The following ZNF267 variants were observed in gnomAD, a reference collection of about 807,000 sequenced individuals.
The protein encoded by ZNF267 is zinc finger protein 267, also known as zinc finger (C2H2).
Under a neutral mutation model 71.6 loss-of-function variants are expected in ZNF267, and 61 were observed. The ratio of observed to expected loss-of-function variants is 0.85; its 90% CI spans 0.69 to 1.05. ZNF267 has a LOEUF of 1.05. Ranked by LOEUF, ZNF267 falls within the 50% of genes least tolerant of loss-of-function variation. The pLI, the probability that ZNF267 is intolerant of heterozygous loss-of-function variation, is 0.00. For missense variants in ZNF267, 852 were observed against 870.0 expected, an observed-to-expected ratio of 0.98 and a Z score of 0.26; for synonymous variants, 288 against 293.2, an observed-to-expected ratio of 0.98 and a Z score of 0.18.
At chr16:31,913,035 A>G (rs571946414) in intron 3 of ZNF267, 1 of 152,128 alleles carries the variant, frequency 6.6e-6, no homozygotes, top group East Asian at 1.9e-4. Context: ...GTGAGGCCAT[A>G]TTTTACTGGA....
intron 3 of ZNF267, among the ~76,000 whole-genome samples, chr16:31,908,342 T>C (rs1202710133): frequency 6.6e-6 from 1 of 152,202 alleles, no homozygotes; most frequent in Non-Finnish European, 1.5e-5. Flanking sequence ...TTTCTCCCAT[T>C]CTGTGGGTTG....
intron 3 of ZNF267, chr16:31,894,943 G>A: frequency 2.9e-6 from 1 of 350,052 alleles, no homozygotes. Context: ...ATCTCAGTGT[G>A]TTAAGAAGAC....
intron 3 of ZNF267, chr16:31,913,209 T>C (rs2084148194): frequency 6.6e-6 from 1 of 152,222 alleles, no homozygotes; most frequent in South Asian, 2.1e-4. Context: ...TGCAGACTCA[T>C]AGAGGTACCA....
intron 3 of ZNF267, among the ~76,000 whole-genome samples, chr16:31,900,757 C>CTTTTTTTTTTTTTTTTTTT (rs35863544): frequency 7.7e-6 from 1 of 129,730 alleles, no homozygotes. Context: ...AGAATTCTTT[C>CTTTTTTTTTTTTTTTTTTT]TTTTTTTTTT....
At position 31,916,655 on chromosome 16, in the gene ZNF267, A is replaced by C. The variant is rs1045013253; in HGVS notation, c.*174A>C. The C allele has an allele frequency of 2.6e-5, 18 of 698,238 alleles. No homozygotes were observed. In the African/African-American group the frequency reaches 3.2e-4, roughly 13 times the overall value. 43.3% of individuals were successfully genotyped at this position (698,238 alleles called of 1,614,324 possible). Reference sequence around the variant, plus strand: ...AACTGAAAAAATCCATACAAATATTAAAAATGTGGCAAATTATTTTAAACT... The same window carrying C: ...AACTGAAAAAATCCATACAAATATTCAAAATGTGGCAAATTATTTTAAACT... On this transcript the variant is annotated 3_prime_UTR_variant, in exon 4 of 4. Transcript: ENST00000300870.
Position 31,916,647 on chromosome 16 carries a change from C to A in ZNF267, c.*166C>A. The stretch of plus-strand genomic sequence containing the variant: ...AGAATATAAACTGAAAAAATCCATA[C>A]AAATATTAAAAATGTGGCAAATTAT... On this transcript the variant is annotated 3_prime_UTR_variant, in exon 4 of 4. Transcript: ENST00000300870. 1 of 742,228 alleles carries A rather than the reference C, an allele frequency of 1.3e-6. No individual in the cohort carries two copies. The highest frequency in any genetic ancestry group is 2.1e-6 in the Non-Finnish European group (1 of 473,280). The allele number at this position is 742,228 out of a possible 1,614,324, so 46.0% of individuals were successfully genotyped here.
At chr16:31,897,317 C>G (rs1294972133) in intron 3 of ZNF267, among the ~76,000 whole-genome samples, 1 of 152,082 alleles carries the variant, frequency 6.6e-6, no homozygotes, top group Non-Finnish European at 1.5e-5. Flanking sequence ...CAACTTTATT[C>G]TTTCCCATGC....
chr16:31,896,198 G>A (rs1384346098), intron 3 of ZNF267, among the ~76,000 whole-genome samples: 3 of 151,736 alleles, frequency 2.0e-5, no homozygotes, highest in South Asian at 2.1e-4. Flanking sequence ...TTTTTTTTAG[G>A]GACAGGATCT....
At position 31,914,943 on chromosome 16, in the gene ZNF267, A is replaced by G; in HGVS notation, c.694A>G (p.Lys232Glu). The G allele has an allele frequency of 9.3e-6, 15 of 1,608,776 alleles. No homozygotes were observed. Among genetic ancestry groups the G allele is most frequent in the Non-Finnish European group, 1.3e-5 (15 of 1,178,564 alleles). The change falls in exon 4 of 4, where the codon AAA (lysine) becomes GAA (glutamate). Residue 232 changes from lysine (K) to glutamate (E), a missense_variant. Physicochemically the swap from Lys to Glu is moderately conservative, Grantham distance 56. Transcript: ENST00000300870. ...EKTLNQSSSP[K>E]NHQENYFLEK... ...AACCTTGAACCAAAGCTCAAGCCCT[A>G]AAAATCATCAGGAAAATTATTTTCT...
intron 1 of ZNF267, among the ~76,000 whole-genome samples, chr16:31,881,670 C>CTTTTTTT (rs747627467): frequency 4.8e-5 from 6 of 125,542 alleles, no homozygotes; most frequent in African/African-American, 1.5e-4. Context: ...TTTTCTTCTT[C>CTTTTTTT]TTTTTTTTTT....
chr16:31,915,476 A>T lies in ZNF267; in HGVS notation c.1227A>T (p.Lys409Asn). ...TTCACACTGGAGAGAAACCATACAA[A>T]TGTAAAGAATGTGGCAAAGCCTTTC... is the stretch of plus-strand genomic sequence containing the variant. ...QRIHTGEKPY[K>N]CKECGKAFRC... The change falls in exon 4 of 4, where the codon AAA becomes AAT. Residue 409 changes from lysine to asparagine, a missense_variant. Transcript: ENST00000300870. The T allele has an allele frequency of 6.2e-7, 1 of 1,613,834 alleles. No individual in the cohort carries two copies. The highest frequency in any genetic ancestry group is 1.7e-5 in the Admixed American group (1 of 60,010).
intron 3 of ZNF267, among the ~76,000 whole-genome samples, chr16:31,897,623 T>G (rs1282505240): frequency 6.6e-6 from 1 of 152,138 alleles, no homozygotes. Flanking sequence ...TTTTAATACT[T>G]CTGCAAAGAG....
At chr16:31,908,972 A>T (rs923219480) in intron 3 of ZNF267, among the ~76,000 whole-genome samples, 1 of 152,128 alleles carries the variant, frequency 6.6e-6, no homozygotes, top group East Asian at 1.9e-4. Flanking sequence ...TAGTATTTTC[A>T]TAGGGATTGC....
rs187430877 is a variant in ZNF267, at chr16:31,878,844, G to A, written c.3+4875G>A. On this transcript the variant is annotated intron_variant, in intron 1 of 3. Coordinates refer to ENST00000300870, the MANE Select transcript of ZNF267 (RefSeq NM_003414.6). ...CACCTATTGGAACTCAGATGTCTGT[G>A]AGCTCAAGACCATGGCGCTAGATCT... Among the ~76,000 whole-genome samples the A allele has an allele frequency of 6.6e-5, 10 of 152,296 alleles. No individual in the cohort carries two copies. The East Asian group carries it at 1.9e-3, about 29-fold the overall frequency.
chr16:31,895,091 C>A, intron 3 of ZNF267: 1 of 209,660 alleles, frequency 4.8e-6, no homozygotes, highest in South Asian at 7.1e-5. Context: ...CATCACCTCT[C>A]ATATCATCTT....
chr16:31,914,760 C>A lies in ZNF267; in HGVS notation c.511C>A (p.His171Asn). ...NFDQYRKVFT[H>N]SSLLNQQEEI... Reference sequence around the variant, plus strand: ...TGATCAATATAGGAAGGTCTTTACTCATTCATCATTGCTTAATCAACAAGA... The same window carrying A: ...TGATCAATATAGGAAGGTCTTTACTAATTCATCATTGCTTAATCAACAAGA... Residue 171 changes from histidine (H) to asparagine (N), a missense_variant, in exon 4 of 4, where the codon CAT (histidine) becomes AAT (asparagine). His to Asn is a moderately conservative substitution (Grantham distance 68). Coordinates refer to ENST00000300870, the MANE Select transcript of ZNF267 (RefSeq NM_003414.6). The A allele has an allele frequency of 6.2e-7, 1 of 1,613,890 alleles. No individual in the cohort carries two copies. Among genetic ancestry groups the A allele is most frequent in the South Asian group, 1.1e-5 (1 of 90,952 alleles).
chr16:31,882,088 C>T (rs1048093535), intron 1 of ZNF267, among the ~76,000 whole-genome samples: 2 of 152,162 alleles, frequency 1.3e-5, no homozygotes, highest in Admixed American at 6.5e-5. Flanking sequence ...TTATCTAAAT[C>T]CTGCTGGGAA....
At chr16:31,908,255 T>G (rs1159478450) in intron 3 of ZNF267, among the ~76,000 whole-genome samples, 2 of 152,154 alleles carry the variant, frequency 1.3e-5, no homozygotes, top group African/African-American at 4.8e-5. Context: ...ATTATTAGAT[T>G]GTTTCTTAAA....
intron 1 of ZNF267, among the ~76,000 whole-genome samples, chr16:31,880,297 G>A (rs1443826998): frequency 1.3e-5 from 2 of 152,136 alleles, no homozygotes; most frequent in East Asian, 1.9e-4. Flanking sequence ...ACAGAATCTC[G>A]TGGCAGAATC....
Sources: gnomAD v4.1 joint callset for allele counts (sites outside exome capture counted in the v4.1 genomes callset) on GRCh38, gnomAD v4.1.1 for gene constraint, MANE v1.5 for transcripts, NCBI Gene and HGNC (gene_info 2026-07-23, HGNC 2026-07-21) for gene names.